Variants in KRT8 observed in about 807,000 individuals in gnomAD.
The protein encoded by KRT8 is keratin, type II cytoskeletal 8.
A neutral mutation model predicts 43.0 loss-of-function variants in KRT8; 24 were observed. The ratio of observed to expected loss-of-function variants is 0.56; its 90% CI spans 0.40 to 0.78. The LOEUF is 0.78. KRT8 is among the 30% of genes least tolerant of loss of function. The probability of loss-of-function intolerance (pLI) is 0.00; values close to 1 mark genes in which losing one functional copy is unlikely to be tolerated. For missense variants in KRT8, 492 were observed against 638.4 expected (o/e 0.77, Z 2.47); for synonymous variants, 214 against 261.2 (o/e 0.82, Z 1.74).
chr12:52,915,099 C>T (rs926576100), intron 2 of KRT8, among the ~76,000 whole-genome samples: 1 of 152,090 alleles, frequency 6.6e-6, no homozygotes, highest in Non-Finnish European at 1.5e-5. Flanking sequence ...TTGGGCCAGG[C>T]GCGGTGGCTC....
chr12:52,920,028 T>C (rs1203482025), intron 2 of KRT8, among the ~76,000 whole-genome samples: 1 of 152,220 alleles, frequency 6.6e-6, no homozygotes, highest in African/African-American at 2.4e-5. Flanking sequence ...CAAGGTCCTT[T>C]GGTTAGTGTG....
intron 1 of KRT8, among the ~76,000 whole-genome samples, chr12:52,902,977 A>C (rs1941412101): frequency 6.6e-6 from 1 of 151,996 alleles, no homozygotes. Flanking sequence ...ACACCACTGC[A>C]CTCCAGCCTG....
chr12:52,941,411 C>T (rs191814352), intron 2 of KRT8, among the ~76,000 whole-genome samples: 19 of 151,142 alleles, frequency 1.3e-4, no homozygotes, highest in South Asian at 8.4e-4. Flanking sequence ...TAAAAAGCCA[C>T]GGTGCCAAGT....
At chr12:52,946,228 A>C (rs889306266) in intron 2 of KRT8, among the ~76,000 whole-genome samples, 2 of 152,026 alleles carry the variant, frequency 1.3e-5, no homozygotes, top group African/African-American at 4.8e-5. Flanking sequence ...AAATTCTAGA[A>C]TCTGTTTTGA....
chr12:52,904,158 C>T (rs1941451074), intron 1 of KRT8, among the ~76,000 whole-genome samples: 1 of 152,000 alleles, frequency 6.6e-6, no homozygotes, highest in Non-Finnish European at 1.5e-5. Context: ...AAAAAAATCA[C>T]AAAGGCACCA....
At chr12:52,908,178 T>C (rs1323364977), upstream of KRT8, among the ~76,000 whole-genome samples, 1 of 151,704 alleles carries the variant, frequency 6.6e-6, no homozygotes, top group African/African-American at 2.4e-5. Context: ...GGTGGGGAGG[T>C]AGCTGTTATC....
At chr12:52,898,961 CCA>C in intron 5 of KRT8, 62 bp from the exon 6 acceptor site, 1 of 1,474,534 alleles carries the variant, frequency 6.8e-7, no homozygotes, top group Non-Finnish European at 9.4e-7. Flanking sequence ...TCCCGTGCTC[CCA>C]CCCTCCCTCA....
chr12:52,897,284 G>A, exon 8 of KRT8: 1 of 795,560 alleles, frequency 1.3e-6, no homozygotes, highest in Non-Finnish European at 2.2e-6. Context: ...GGGTCCCCAG[G>A]TAGTAAACTC....
chr12:52,926,029 C>A (rs1014875314), intron 2 of KRT8, among the ~76,000 whole-genome samples: 4 of 152,216 alleles, frequency 2.6e-5, no homozygotes, highest in South Asian at 4.2e-4. Flanking sequence ...TGAGACCTGC[C>A]CTGGAGACAG....
intron 2 of KRT8, among the ~76,000 whole-genome samples, chr12:52,930,207 C>A (rs1942060966): frequency 7.7e-6 from 1 of 129,368 alleles, no homozygotes; most frequent in Non-Finnish European, 1.6e-5. Flanking sequence ...CAAGTCCTGC[C>A]AATTCTATCA....
At chr12:52,922,184 TAAAAAAAAAAAAA>T (rs57023136) in intron 2 of KRT8, among the ~76,000 whole-genome samples, 18 of 38,728 alleles carry the variant, frequency 4.6e-4, no homozygotes, top group East Asian at 7.6e-4. Flanking sequence ...ACCCTGTCTC[TAAAAAAAAAAAAA>T]AAAAAAAAAA....
intron 2 of KRT8, among the ~76,000 whole-genome samples, chr12:52,935,972 G>A (rs1404014475): frequency 6.6e-6 from 1 of 152,170 alleles, no homozygotes; most frequent in African/African-American, 2.4e-5. Context: ...TTCTAGATAA[G>A]GCTGGGCGAG....
intron 2 of KRT8, chr12:52,948,981 G>GGGCCCGGGGCGGAGC (rs1400362563): frequency 4.4e-5 from 21 of 477,882 alleles, no homozygotes; most frequent in African/African-American, 1.9e-4. Context: ...CGCGGGGGTG[G>GGGCCCGGGGCGGAGC]GGCCCGGGGC....
chr12:52,915,229 C>T (rs1015722863), intron 2 of KRT8, among the ~76,000 whole-genome samples: 18 of 151,882 alleles, frequency 1.2e-4, no homozygotes, highest in African/African-American at 3.6e-4. Context: ...AAAAATTAGC[C>T]GGGCGAGGTG....
chr12:52,940,861 C>T (rs1210163602), intron 2 of KRT8, among the ~76,000 whole-genome samples: 2 of 151,780 alleles, frequency 1.3e-5, no homozygotes, highest in South Asian at 4.2e-4. Context: ...CTTCTGAACT[C>T]GTGATCCACC....
At chr12:52,910,673 C>T (rs1461133148), upstream of KRT8, among the ~76,000 whole-genome samples, 3 of 152,122 alleles carry the variant, frequency 2.0e-5, no homozygotes, top group African/African-American at 7.2e-5. Context: ...TAGGGGAAGC[C>T]CTCATGGTGT....
chr12:52,901,970 A>G (rs771771482), exon 2 of KRT8: 1 of 1,607,462 alleles, frequency 6.2e-7, no homozygotes, highest in South Asian at 1.1e-5. Context: ...TTGTTGATGT[A>G]GCTCTCGAAC....
At chr12:52,925,237 G>T (rs757940638) in intron 2 of KRT8, among the ~76,000 whole-genome samples, 3 of 152,182 alleles carry the variant, frequency 2.0e-5, no homozygotes, top group Non-Finnish European at 4.4e-5. Flanking sequence ...TGCAGCTGGA[G>T]GAGGTGTGTA....
Position 52,904,712 on chromosome 12 carries a change from C to T in KRT8, c.270G>A (p.Gln90=), listed in dbSNP as rs770608699. The T allele has an allele frequency of 2.3e-5, 37 of 1,612,882 alleles. No individual in the cohort carries two copies. In the South Asian group the frequency reaches 4.1e-4, roughly 18 times the overall value. The change falls in exon 1 of 8, where the codon CAG becomes CAA. Residue 90 remains glutamine (Q), a synonymous_variant. Transcript: ENST00000692008. ...TGAGGGTCTTGATCTGCTCCTTCTC[C>T]TGGGTGCGCACGGCCTGGATGTTGG...
Sources: allele counts gnomAD v4.1 joint callset (sites outside exome capture counted in the v4.1 genomes callset), GRCh38; gene constraint gnomAD v4.1.1; transcripts MANE v1.5; gene names NCBI Gene and HGNC (gene_info 2026-07-23, HGNC 2026-07-21).